The following RBFOX3 variants were observed in gnomAD, a reference collection of about 807,000 sequenced individuals.
RBFOX3 encodes the protein RNA binding protein fox-1 homolog 3.
A neutral mutation model predicts 48.7 loss-of-function variants in RBFOX3; 17 were observed. That is an observed-to-expected ratio of 0.35 (90% CI 0.24 to 0.52). The LOEUF is 0.52. Ranked by LOEUF, RBFOX3 falls within the 20% of genes least tolerant of loss-of-function variation. RBFOX3 has a pLI of 0.94. For missense variants in RBFOX3, 382 were observed against 497.5 expected (o/e 0.77, Z 2.21); for synonymous variants, 212 against 209.5 (o/e 1.01, Z -0.10).
chr17:79,585,975 A>G (rs1214640555), intron 1 of RBFOX3, among the ~76,000 whole-genome samples: 1 of 152,134 alleles, frequency 6.6e-6, no homozygotes, highest in Non-Finnish European at 1.5e-5. Context: ...CAGCCTTCCC[A>G]TCTCCCAGGC....
At chr17:79,100,993 A>G (rs2076324658) in intron 9 of RBFOX3, among the ~76,000 whole-genome samples, 1 of 152,154 alleles carries the variant, frequency 6.6e-6, no homozygotes, top group African/African-American at 2.4e-5. Context: ...CAGTTACTGT[A>G]ATCACATCCT....
At chr17:79,662,104 G>C in the RBFOX3 span, among the ~76,000 whole-genome samples, 1 of 139,430 alleles carries the variant, frequency 7.2e-6, no homozygotes, top group East Asian at 2.2e-4. Context: ...GATACAGTGT[G>C]AGGTAGGGAT....
intron 2 of RBFOX3, among the ~76,000 whole-genome samples, chr17:79,407,706 G>A (rs1433516804): frequency 6.6e-6 from 1 of 152,194 alleles, no homozygotes; most frequent in Non-Finnish European, 1.5e-5. Flanking sequence ...TTGCAAAGGA[G>A]GAAGGAGAGC....
intron 9 of RBFOX3, among the ~76,000 whole-genome samples, chr17:79,101,012 T>A (rs1568127651): frequency 2.0e-5 from 3 of 152,180 alleles, no homozygotes; most frequent in Non-Finnish European, 4.4e-5. Flanking sequence ...CTCCGAAATC[T>A]GAGCACCTCC....
At chr17:79,346,205 G>A (rs2082898223) in intron 2 of RBFOX3, among the ~76,000 whole-genome samples, 1 of 152,300 alleles carries the variant, frequency 6.6e-6, no homozygotes, top group South Asian at 2.1e-4. Flanking sequence ...TTACAGGTGT[G>A]AGCCACCATG....
chr17:79,346,132 A>G (rs1295423325), intron 2 of RBFOX3, among the ~76,000 whole-genome samples: 4 of 152,150 alleles, frequency 2.6e-5, no homozygotes, highest in Non-Finnish European at 5.9e-5. Context: ...CATGTTGGCC[A>G]GGCTGGTCTC....
intron 3 of RBFOX3, among the ~76,000 whole-genome samples, chr17:79,291,437 A>G (rs1353451175): frequency 1.3e-5 from 2 of 152,222 alleles, no homozygotes; most frequent in African/African-American, 4.8e-5. Flanking sequence ...CATTAAATAC[A>G]GTAGGAATCT....
chr17:79,522,267 C>G (rs1014575074), intron 1 of RBFOX3, among the ~76,000 whole-genome samples: 50 of 152,282 alleles, frequency 3.3e-4, no homozygotes, highest in African/African-American at 1.2e-3. Context: ...ATTGCTCTAA[C>G]CCAGAGGCCC....
chr17:79,369,611 G>A (rs148036286), intron 2 of RBFOX3, among the ~76,000 whole-genome samples: 1,924 of 152,148 alleles, frequency 0.013, 27 homozygotes, highest in Non-Finnish European at 0.018. Flanking sequence ...GTTGAAAGCC[G>A]CTCCCCTGCC....
At chr17:79,595,429 A>G (rs1382082342) in intron 1 of RBFOX3, among the ~76,000 whole-genome samples, 5 of 152,236 alleles carry the variant, frequency 3.3e-5, no homozygotes, top group African/African-American at 4.8e-5. Context: ...ACAGTGCACC[A>G]GGTCCACACG....
At chr17:79,546,825 A>G (rs112169432) in intron 1 of RBFOX3, among the ~76,000 whole-genome samples, 5,685 of 151,718 alleles carry the variant, frequency 0.037, 294 homozygotes, top group African/African-American at 0.12. Flanking sequence ...ATACACCACC[A>G]CACCCGGCTA....
intron 1 of RBFOX3, among the ~76,000 whole-genome samples, chr17:79,549,686 C>T (rs2090939677): frequency 6.6e-6 from 1 of 152,076 alleles, no homozygotes; most frequent in South Asian, 2.1e-4. Context: ...AAGGAAGGCA[C>T]AGCAGGTGCT....
chr17:79,148,264 C>G (rs1273988274), intron 4 of RBFOX3, among the ~76,000 whole-genome samples: 1 of 152,244 alleles, frequency 6.6e-6, no homozygotes, highest in African/African-American at 2.4e-5. Context: ...CCTTCTCCAG[C>G]CTCCCAAGGT....
the RBFOX3 span, among the ~76,000 whole-genome samples, chr17:79,616,357 G>A: frequency 3.3e-5 from 5 of 152,036 alleles, no homozygotes; most frequent in South Asian, 2.1e-4. Flanking sequence ...CCAACATGGC[G>A]AAACCCCCTC....
At chr17:79,440,300 C>T (rs1009465742) in intron 2 of RBFOX3, among the ~76,000 whole-genome samples, 2 of 152,212 alleles carry the variant, frequency 1.3e-5, no homozygotes, top group African/African-American at 2.4e-5. Context: ...TCCCATGTCC[C>T]AGGGCATTTT....
the RBFOX3 span, among the ~76,000 whole-genome samples, chr17:79,663,152 G>A: frequency 3.3e-5 from 5 of 152,140 alleles, no homozygotes; most frequent in Non-Finnish European, 7.4e-5. Flanking sequence ...TGTCAACACC[G>A]CAAAGGAGGA....
chr17:79,464,563 C>A (rs532908046), intron 2 of RBFOX3, among the ~76,000 whole-genome samples: 1 of 152,270 alleles, frequency 6.6e-6, no homozygotes, highest in Non-Finnish European at 1.5e-5. Context: ...ATGCAGACGC[C>A]GGGGGGAGGC....
At chr17:79,125,389 C>T (rs1312170172) in intron 4 of RBFOX3, among the ~76,000 whole-genome samples, 1 of 152,230 alleles carries the variant, frequency 6.6e-6, no homozygotes, top group East Asian at 1.9e-4. Context: ...CGGGCAGAAG[C>T]ACCCTCCATC....
intron 1 of RBFOX3, among the ~76,000 whole-genome samples, chr17:79,610,517 G>A (rs1445554866): frequency 4.6e-5 from 7 of 151,926 alleles, no homozygotes; most frequent in Non-Finnish European, 2.9e-5. Flanking sequence ...GGACTCCCTG[G>A]CGTCTCCATG....
Sources: gnomAD v4.1 joint callset for allele counts (sites outside exome capture counted in the v4.1 genomes callset) on GRCh38, gnomAD v4.1.1 for gene constraint, MANE v1.5 for transcripts, NCBI Gene and HGNC (gene_info 2026-07-23, HGNC 2026-07-21) for gene names.